PYGL: variants seen among roughly 807,000 people sequenced by gnomAD.
PYGL encodes the protein glycogen phosphorylase L, also known as glycogen phosphorylase, liver form.
In PYGL, 90 loss-of-function variants were observed where a neutral mutation model predicts 100.1. That is an observed-to-expected ratio of 0.90 (90% confidence interval 0.76 to 1.07). PYGL has a LOEUF of 1.07. Ranked by LOEUF, PYGL falls within the 50% of genes least tolerant of loss-of-function variation. PYGL has a pLI of 0.00. For synonymous variants in PYGL, 373 were observed against 393.0 expected, an observed-to-expected ratio of 0.95 and a Z score of 0.60; for missense variants, 1,016 against 1,057.6, an observed-to-expected ratio of 0.96 and a Z score of 0.55.
chr14:50,928,789 T>G (rs1426493330), intron 4 of PYGL, among the ~76,000 whole-genome samples: 1 of 139,774 alleles, frequency 7.2e-6, no homozygotes, highest in African/African-American at 2.6e-5. Flanking sequence ...AGAACAGTGT[T>G]ACGTGTTGAG....
Position 50,920,526 on chromosome 14 carries a change from A to G in PYGL, c.855+15T>C, listed in dbSNP as rs759435273. 1 of 1,600,596 alleles carries G rather than the reference A, an allele frequency of 6.2e-7. No homozygotes were observed. The highest frequency in any genetic ancestry group is 1.7e-5 in the Admixed American group (1 of 59,990). ...TGCCTCTGTTGCCACTAAGAAAGCAACCTTGATCACTCACATTGTCATTGG... is the reference window on the plus strand; with the variant it reads ...TGCCTCTGTTGCCACTAAGAAAGCAGCCTTGATCACTCACATTGTCATTGG... On this transcript the variant is annotated intron_variant, in intron 7 of 19. Transcript: ENST00000216392.
chr14:50,914,160 T>A (rs2050424596), intron 12 of PYGL, among the ~76,000 whole-genome samples: 1 of 152,174 alleles, frequency 6.6e-6, no homozygotes, highest in African/African-American at 2.4e-5. Context: ...TAGCTGCAAC[T>A]AGCTACATAA....
At chr14:50,942,038 C>T (rs533954683) in intron 1 of PYGL, among the ~76,000 whole-genome samples, 15 of 152,244 alleles carry the variant, frequency 9.9e-5, no homozygotes, top group Admixed American at 2.6e-4. Flanking sequence ...GACTAGGGAT[C>T]CATATTTGGG....
chr14:50,930,289 G>C (rs778178943), intron 4 of PYGL, among the ~76,000 whole-genome samples: 14 of 152,160 alleles, frequency 9.2e-5, no homozygotes, highest in Non-Finnish European at 1.6e-4. Flanking sequence ...ATTCTGTAGA[G>C]TTTGTATCTC....
intron 19 of PYGL, among the ~76,000 whole-genome samples, chr14:50,906,554 A>C (rs1244594940): frequency 6.6e-6 from 1 of 152,254 alleles, no homozygotes; most frequent in East Asian, 1.9e-4. Flanking sequence ...GAAAGACCGA[A>C]TCAAATGCTG....
intron 7 of PYGL, among the ~76,000 whole-genome samples, chr14:50,918,243 A>G (rs895262551): frequency 3.3e-5 from 5 of 152,266 alleles, no homozygotes; most frequent in Non-Finnish European, 7.3e-5. Context: ...GGGAATATAA[A>G]TTAGTACAGC....
rs1255746947 is a variant in PYGL at position 50,915,928 on chromosome 14, G to C, written c.1136C>G (p.Thr379Arg). 1.2e-6 allele frequency: 2 copies of C among 1,614,264 alleles called. No individual in the cohort carries two copies. The highest frequency in any genetic ancestry group is 8.5e-7 in the Non-Finnish European group (1 of 1,180,042). Residue 379 changes from threonine (T) to arginine (R), a missense_variant, in exon 10 of 20, where the codon ACA becomes AGA. Coordinates refer to ENST00000216392, the MANE Select transcript of PYGL (RefSeq NM_002863.5). Reference sequence around the variant, plus strand: ...GCGCTCCAGGGCTTCCGGGAGCACTGTGTGGTTGGTGTAGGCGAAGGTCTT... The same window carrying C: ...GCGCTCCAGGGCTTCCGGGAGCACTCTGTGGTTGGTGTAGGCGAAGGTCTT... ...TQKTFAYTNH[T>R]VLPEALERWP...
At chr14:50,932,049 G>A (rs769197119) in intron 3 of PYGL, among the ~76,000 whole-genome samples, 10 of 152,266 alleles carry the variant, frequency 6.6e-5, no homozygotes, top group South Asian at 4.1e-4. Context: ...AATAACTATT[G>A]TGTACATTTT....
At position 50,914,389 on chromosome 14, in the gene PYGL, C is replaced by T. The variant is rs571331253; in HGVS notation, c.1518+312G>A. Among the ~76,000 whole-genome samples, 9 of 151,930 alleles carry T rather than the reference C, an allele frequency of 5.9e-5. No individual in the cohort carries two copies. The East Asian group carries it at 1.2e-3, about 20-fold the overall frequency. On this transcript the variant is annotated intron_variant, in intron 12 of 19. Coordinates refer to ENST00000216392, the MANE Select transcript of PYGL (RefSeq NM_002863.5). ...ATGTGTGCCTGTAATCCCTGCTACT[C>T]GGGAGGCTGAGGCAGGAGAATTGCT... is the stretch of plus-strand genomic sequence containing the variant.
intron 17 of PYGL, 55 bp downstream of exon 17, chr14:50,909,840 T>C: frequency 1.3e-6 from 2 of 1,593,836 alleles, no homozygotes; most frequent in Non-Finnish European, 1.7e-6. Flanking sequence ...TGAGGTCACA[T>C]ACCTTCTAGG....
chr14:50,940,773 T>C (rs1481811410), intron 1 of PYGL, among the ~76,000 whole-genome samples: 1 of 152,248 alleles, frequency 6.6e-6, no homozygotes, highest in Non-Finnish European at 1.5e-5. Context: ...AAAAGGCTTG[T>C]AAAATAAAAT....
At chr14:50,944,067 C>T (rs1027863990) in intron 1 of PYGL, 94 bp downstream of exon 1, 4 of 1,444,962 alleles carry the variant, frequency 2.8e-6, no homozygotes, top group Non-Finnish European at 3.7e-6. Flanking sequence ...TGCAAGGGAC[C>T]ACTCTGAGGG....
At chr14:50,913,554 T>G (rs954805161) in intron 12 of PYGL, among the ~76,000 whole-genome samples, 1 of 152,016 alleles carries the variant, frequency 6.6e-6, no homozygotes, top group African/African-American at 2.4e-5. Context: ...TTTTGTATTT[T>G]TAGTAGAGAC....
At chr14:50,915,586 T>C (rs138098351) in intron 10 of PYGL, 87 bp from the exon 11 acceptor site, 24,126 of 1,544,500 alleles carry the variant, frequency 0.016, 261 homozygotes, top group South Asian at 0.023. Context: ...AGCAAAATCT[T>C]TGGTGTACTC....
intron 3 of PYGL, among the ~76,000 whole-genome samples, chr14:50,932,141 T>C (rs964035105): frequency 6.6e-6 from 1 of 152,158 alleles, no homozygotes; most frequent in African/African-American, 2.4e-5. Flanking sequence ...AGGGAAGCTG[T>C]CTCTATCCTC....
intron 19 of PYGL, among the ~76,000 whole-genome samples, chr14:50,906,069 G>A (rs555602622): frequency 1.3e-5 from 2 of 152,242 alleles, no homozygotes; most frequent in South Asian, 2.1e-4. Context: ...CTGAAGATAC[G>A]CACCCTAGTA....
chr14:50,926,220 G>A (rs557452497), intron 4 of PYGL, among the ~76,000 whole-genome samples: 107 of 152,158 alleles, frequency 7.0e-4, no homozygotes, highest in Non-Finnish European at 1.3e-3. Context: ...GTGTGGTGGT[G>A]TGCACCTGTA....
At chr14:50,917,167 G>A in intron 7 of PYGL, 62 bp from the exon 8 acceptor site, 2 of 1,538,556 alleles carry the variant, frequency 1.3e-6, no homozygotes, top group Non-Finnish European at 1.8e-6. Context: ...AAATGTGACT[G>A]GTGTCTCCTG....
intron 13 of PYGL, among the ~76,000 whole-genome samples, chr14:50,912,763 AGC>A (rs1245087519): frequency 2.6e-5 from 4 of 152,034 alleles, no homozygotes; most frequent in African/African-American, 9.7e-5. Flanking sequence ...AGACCAGCCT[AGC>A]CAACATAGTG....
Sources: gnomAD v4.1 joint callset for allele counts (sites outside exome capture counted in the v4.1 genomes callset) on GRCh38, gnomAD v4.1.1 for gene constraint, MANE v1.5 for transcripts, NCBI Gene and HGNC (gene_info 2026-07-23, HGNC 2026-07-21) for gene names.